The following SDHD variants were observed in gnomAD, a reference collection of about 807,000 sequenced individuals.
SDHD encodes the protein succinate dehydrogenase complex subunit D.
Under a neutral mutation model 18.7 loss-of-function variants are expected in SDHD, and 6 were observed. That is an observed-to-expected ratio of 0.32 (90% CI 0.18 to 0.63). The LOEUF (loss-of-function observed/expected upper bound fraction) is 0.63, where lower values mean the gene tolerates loss of function less well. Ranked by LOEUF, SDHD falls within the 30% of genes least tolerant of loss-of-function variation. The pLI is 0.79. For missense variants in SDHD, 160 were observed against 192.7 expected (o/e 0.83, Z 1.00); for synonymous variants, 56 against 73.9 (o/e 0.76, Z 1.24).
At chr11:112,088,348 C>T (rs1002347725) in intron 2 of SDHD, 17 of 349,114 alleles carry the variant, frequency 4.9e-5, no homozygotes, top group African/African-American at 3.4e-4. Context: ...TACAGGCGCC[C>T]ACCACCATGC....
chr11:112,088,823 T>G (rs1441954985), intron 2 of SDHD, 44 bp from the exon 3 acceptor site: 3 of 1,610,804 alleles, frequency 1.9e-6, no homozygotes, highest in East Asian at 2.2e-5. Context: ...ATGAAAGATG[T>G]GTGTTTCTCA....
intron 3 of SDHD, chr11:112,092,943 G>A (rs2135274843): frequency 5.4e-6 from 1 of 185,552 alleles, no homozygotes. Flanking sequence ...CCATACAAAG[G>A]AATGATGTAT....
chr11:112,095,104 A>C lies in SDHD; in HGVS notation c.*134A>C. On this transcript the variant is annotated 3_prime_UTR_variant, in exon 4 of 4. Transcript: ENST00000375549. ...ACAGCCTTCTTCTCTTAATCACAAGATTATTTTCAGAATTTAATCTTTGAG... is the reference window on the plus strand; with the variant it reads ...ACAGCCTTCTTCTCTTAATCACAAGCTTATTTTCAGAATTTAATCTTTGAG... The C allele has an allele frequency of 1.3e-6, 1 of 742,968 alleles. No homozygotes were observed. The highest frequency in any genetic ancestry group is 1.7e-5 in the African/African-American group (1 of 57,556). The allele number at this position is 742,968 out of a possible 1,614,324, so 46.0% of individuals were successfully genotyped here.
chr11:112,093,122 C>T lies in SDHD; in HGVS notation c.315-1683C>T, dbSNP rs764564009. 39 of 380,972 alleles carry T rather than the reference C, an allele frequency of 1.0e-4. 1 individual carries two copies. Among genetic ancestry groups the T allele is most frequent in the South Asian group, 6.9e-4 (39 of 56,682 alleles). The allele number at this position is 380,972 out of a possible 1,614,324, so 23.6% of individuals were successfully genotyped here. A position where few individuals can be genotyped will look rare whatever the true frequency, so the allele number is the denominator to read the frequency against. The stretch of plus-strand genomic sequence containing the variant: ...CGATCTTGGCTCGGCACGATCTCGG[C>T]TCAGCACGATCTCAGCTTACTGCAA... On this transcript the variant is annotated intron_variant, in intron 3 of 3. Coordinates refer to ENST00000375549, the MANE Select transcript of SDHD (RefSeq NM_003002.4).
chr11:112,092,365 C>T (rs562263959), intron 3 of SDHD, among the ~76,000 whole-genome samples: 274 of 152,298 alleles, frequency 1.8e-3, no homozygotes, highest in African/African-American at 6.4e-3. Flanking sequence ...TAGGCTACTT[C>T]GGTTGCCTTC....
rs1473257270 is a variant in SDHD, at chr11:112,095,581, C to T, written c.*611C>T. On this transcript the variant is annotated 3_prime_UTR_variant, in exon 4 of 4. Transcript: ENST00000375549. ...GAAGTTCCATTTAAGGGCAAGTTTCCCTGTAGATGTATCAAAATACTACCA... is the reference window on the plus strand; with the variant it reads ...GAAGTTCCATTTAAGGGCAAGTTTCTCTGTAGATGTATCAAAATACTACCA... 1 of 231,112 alleles carries T rather than the reference C, an allele frequency of 4.3e-6. No individual in the cohort carries two copies. Among genetic ancestry groups the T allele is most frequent in the Non-Finnish European group, 8.6e-6 (1 of 116,926 alleles). 14.3% of individuals were successfully genotyped at this position (231,112 alleles called of 1,614,324 possible).
In SDHD at chr11:112,095,200, G is replaced by A. The variant is rs1865819770; in HGVS notation, c.*230G>A. ...TATATTCTGGTGAGTTAATGGGGTT[G>A]CCTCCCAGCTTCTTATAAGACTCAC... On this transcript the variant is annotated 3_prime_UTR_variant, in exon 4 of 4. Coordinates refer to ENST00000375549, the MANE Select transcript of SDHD (RefSeq NM_003002.4). 1 of 544,968 alleles carries A rather than the reference G, an allele frequency of 1.8e-6. No homozygotes were observed. The highest frequency in any genetic ancestry group is 1.9e-5 in the African/African-American group (1 of 53,034). 33.8% of individuals were successfully genotyped at this position (544,968 alleles called of 1,614,324 possible).
Position 112,095,053 on chromosome 11 carries a change from G to A in SDHD, c.*83G>A, listed in dbSNP as rs906623105. On this transcript the variant is annotated 3_prime_UTR_variant, in exon 4 of 4. Transcript: ENST00000375549. ...ATGCCATTAAGCTCACAATAAGGAA[G>A]AAATAACAGATAAGTCCATTGGTGG... is the stretch of plus-strand genomic sequence containing the variant. 9.7e-7 allele frequency: 1 copy of A among 1,031,404 alleles called. No homozygotes were observed. Among genetic ancestry groups the A allele is most frequent in the Non-Finnish European group, 1.5e-6 (1 of 655,978 alleles). The allele number at this position is 1,031,404 out of a possible 1,614,324, so 63.9% of individuals were successfully genotyped here.
intron 3 of SDHD, among the ~76,000 whole-genome samples, chr11:112,090,357 C>A (rs373324218): frequency 6.6e-6 from 1 of 151,962 alleles, no homozygotes; most frequent in Non-Finnish European, 1.5e-5. Flanking sequence ...GTGATCTGCC[C>A]GCTTCAGCCT....
chr11:112,094,813 G>T lies in SDHD; in HGVS notation c.323G>T (p.Gly108Val). 5.0e-6 allele frequency: 8 copies of T among 1,611,942 alleles called. No homozygotes were observed. Among genetic ancestry groups the T allele is most frequent in the Non-Finnish European group, 6.8e-6 (8 of 1,179,816 alleles). The change falls in exon 4 of 4, where the codon GGA becomes GTA. Residue 108 changes from glycine (G) to valine (V), a missense_variant. Gly to Val is a moderately radical substitution (Grantham distance 109). Coordinates refer to ENST00000375549, the MANE Select transcript of SDHD (RefSeq NM_003002.4). ...ALTLHGHWGL[G>V]QVVTDYVHGD... ...TTTTTCTTTTTCTTTAGGGGCCTTG[G>T]ACAAGTTGTTACTGACTATGTTCAT...
chr11:112,087,800 T>A, intron 1 of SDHD, 57 bp from the exon 2 acceptor site: 1 of 1,088,340 alleles, frequency 9.2e-7, no homozygotes, highest in East Asian at 2.4e-5. Flanking sequence ...TTTAGAAAGT[T>A]TGTCAGTCCT....
chr11:112,090,116 TTTA>T (rs1300731150), intron 3 of SDHD, among the ~76,000 whole-genome samples: 1 of 152,158 alleles, frequency 6.6e-6, no homozygotes, highest in African/African-American at 2.4e-5. Context: ...TGTTTGTTTG[TTTA>T]TTTTTTGAGA....
At chr11:112,087,070 C>A (rs559368739) in intron 1 of SDHD, 111 bp downstream of exon 1, 13 of 1,227,292 alleles carry the variant, frequency 1.1e-5, no homozygotes, top group Non-Finnish European at 1.5e-5. Flanking sequence ...AAGAAAATAC[C>A]GAAATCACAG....
chr11:112,087,804 C>G, intron 1 of SDHD, 53 bp from the exon 2 acceptor site: 1 of 1,141,444 alleles, frequency 8.8e-7, no homozygotes, highest in South Asian at 1.2e-5. Flanking sequence ...GAAAGTTTGT[C>G]AGTCCTGTTA....
At chr11:112,093,137 G>A in intron 3 of SDHD, 1 of 385,416 alleles carries the variant, frequency 2.6e-6, no homozygotes, top group Non-Finnish European at 5.2e-6. Flanking sequence ...CACGATCTCA[G>A]CTTACTGCAA....
At chr11:112,087,785 G>T in intron 1 of SDHD, 72 bp from the exon 2 acceptor site, 1 of 925,014 alleles carries the variant, frequency 1.1e-6, no homozygotes, top group South Asian at 1.3e-5. Context: ...GCTTACCTAT[G>T]GTCATTTAGA....
rs2135277611 is a variant in SDHD at position 112,094,884 on chromosome 11, T to G, written c.394T>G (p.Ser132Ala). Residue 132 changes from serine (S) to alanine (A), a missense_variant, in exon 4 of 4, where the codon TCA becomes GCA. Transcript: ENST00000375549. Reference protein sequence around the residue: ...KAAKAGLLALSALTFAGLCYF... With the variant: ...KAAKAGLLALAALTFAGLCYF... ...TGCCAAGGCAGGGCTTTTGGCACTT[T>G]CAGCTTTAACCTTTGCTGGGCTTTG... 2 of 1,611,984 alleles carry G rather than the reference T, an allele frequency of 1.2e-6. No individual in the cohort carries two copies. Among genetic ancestry groups the G allele is most frequent in the Non-Finnish European group, 1.7e-6 (2 of 1,179,772 alleles).
intron 2 of SDHD, chr11:112,088,526 C>A (rs1248893915): frequency 2.7e-6 from 1 of 373,298 alleles, no homozygotes; most frequent in South Asian, 2.2e-5. Context: ...CACTAACTTA[C>A]ATTCATAAGG....
chr11:112,089,300 CA>C (rs1231752288), intron 3 of SDHD, among the ~76,000 whole-genome samples: 1 of 152,160 alleles, frequency 6.6e-6, no homozygotes, highest in East Asian at 1.9e-4. Flanking sequence ...GAATTAATGG[CA>C]TTTCCAGTTT....
Sources: gnomAD v4.1 joint callset for allele counts (sites outside exome capture counted in the v4.1 genomes callset) on GRCh38, gnomAD v4.1.1 for gene constraint, MANE v1.5 for transcripts, NCBI Gene and HGNC (gene_info 2026-07-23, HGNC 2026-07-21) for gene names.